Variants in SSR1 observed in about 807,000 individuals in gnomAD.
The protein encoded by SSR1 is translocon-associated protein subunit alpha.
A neutral mutation model predicts 36.1 loss-of-function variants in SSR1; 13 were observed. That is an observed-to-expected ratio of 0.36 (90% CI 0.23 to 0.57). The LOEUF is 0.57. Among genes scored for constraint, SSR1 ranks in the 20% least tolerant of loss-of-function variants. SSR1 has a pLI of 0.81. For missense variants in SSR1, 291 were observed against 338.5 expected, an observed-to-expected ratio of 0.86 and a Z score of 1.10; for synonymous variants, 113 against 118.9, an observed-to-expected ratio of 0.95 and a Z score of 0.32.
chr6:7,310,648 C>T (rs899517570), intron 1 of SSR1, among the ~76,000 whole-genome samples: 8 of 152,180 alleles, frequency 5.3e-5, no homozygotes, highest in Non-Finnish European at 7.3e-5. Context: ...CGGTGGCTCA[C>T]GCCTGTAATC....
intron 4 of SSR1, among the ~76,000 whole-genome samples, chr6:7,299,689 C>CAAA (rs752427852): frequency 8.8e-6 from 1 of 113,254 alleles, no homozygotes. Context: ...ACTCCCACCT[C>CAAA]AAAAAAAAAA....
At chr6:7,310,506 T>C (rs1758166194) in intron 1 of SSR1, among the ~76,000 whole-genome samples, 1 of 152,236 alleles carries the variant, frequency 6.6e-6, no homozygotes, top group South Asian at 2.1e-4. Context: ...TTCAAGCAAC[T>C]TTGTTAAGCA....
chr6:7,308,500 G>T (rs1007194704), intron 2 of SSR1, among the ~76,000 whole-genome samples: 1 of 152,014 alleles, frequency 6.6e-6, no homozygotes, highest in African/African-American at 2.4e-5. Context: ...CACGAAAATA[G>T]AAAGAAAAAA....
chr6:7,293,931 CAG>C (rs1757736320), intron 7 of SSR1, among the ~76,000 whole-genome samples: 1 of 152,170 alleles, frequency 6.6e-6, no homozygotes, highest in African/African-American at 2.4e-5. Context: ...ATCATACCGA[CAG>C]ATTAAATAGG....
At chr6:7,299,689 CAA>C (rs752427852) in intron 4 of SSR1, among the ~76,000 whole-genome samples, 26 of 113,134 alleles carry the variant, frequency 2.3e-4, no homozygotes, top group Non-Finnish European at 2.2e-4. Context: ...ACTCCCACCT[CAA>C]AAAAAAAAAA....
At chr6:7,293,846 A>T in intron 7 of SSR1, among the ~76,000 whole-genome samples, 1 of 152,258 alleles carries the variant, frequency 6.6e-6, no homozygotes, top group East Asian at 1.9e-4. Flanking sequence ...TCAAGGGTCA[A>T]CTATGAATAT....
At position 7,287,209 on chromosome 6, in the gene SSR1, G is replaced by A. The variant is rs928929826; in HGVS notation, c.*2655C>T. 1.3e-5 allele frequency: 2 copies of A among 151,912 alleles called. No homozygotes were observed. Among genetic ancestry groups the A allele is most frequent in the African/African-American group, 2.4e-5 (1 of 41,324 alleles). 9.4% of individuals were successfully genotyped at this position (151,912 alleles called of 1,614,324 possible). ...CGAAAATAACACATCATTAAGTAAA[G>A]GTGGCAATGTTACATTACCACCATT... On this transcript the variant is annotated 3_prime_UTR_variant, in exon 8 of 8. Transcript: ENST00000244763.
Position 7,284,275 on chromosome 6 carries a change from T to C in SSR1, c.*5589A>G, listed in dbSNP as rs992221731. Reference sequence around the variant, plus strand: ...AAACGTGTTTTTAAAAAGAACTGGATGTGCAGGTGTAAGAGATTTATTACA... The same window carrying C: ...AAACGTGTTTTTAAAAAGAACTGGACGTGCAGGTGTAAGAGATTTATTACA... On this transcript the variant is annotated 3_prime_UTR_variant, in exon 8 of 8. Transcript: ENST00000244763. 4 of 152,182 alleles carry C rather than the reference T, an allele frequency of 2.6e-5. No homozygotes were observed. The highest frequency in any genetic ancestry group is 9.7e-5 in the African/African-American group (4 of 41,438). The allele number at this position is 152,182 out of a possible 1,614,324, so 9.4% of individuals were successfully genotyped here.
chr6:7,290,842 A>AC (rs1757665231), intron 7 of SSR1, among the ~76,000 whole-genome samples: 1 of 152,036 alleles, frequency 6.6e-6, no homozygotes, highest in South Asian at 2.1e-4. Flanking sequence ...AAGATCTCTC[A>AC]CCCCCCAAAT....
At chr6:7,302,328 T>C (rs1757954554) in intron 3 of SSR1, among the ~76,000 whole-genome samples, 1 of 152,234 alleles carries the variant, frequency 6.6e-6, no homozygotes, top group African/African-American at 2.4e-5. Flanking sequence ...ATTTATGAAC[T>C]GGGAGCCCTG....
chr6:7,287,966 G>C lies in SSR1; in HGVS notation c.*1898C>G, dbSNP rs1757591932. On this transcript the variant is annotated 3_prime_UTR_variant, in exon 8 of 8. Transcript: ENST00000244763. ...CAAATAATAAATTCTACATTTCCGA[G>C]GCACTAATTTGAACTTCAGAAGTGG... 1 of 152,228 alleles carries C rather than the reference G, an allele frequency of 6.6e-6. No homozygotes were observed. The highest frequency in any genetic ancestry group is 2.1e-4 in the South Asian group (1 of 4,826). The allele number at this position is 152,228 out of a possible 1,614,324, so 9.4% of individuals were successfully genotyped here. A position where few individuals can be genotyped will look rare whatever the true frequency, so the allele number is the denominator to read the frequency against.
In SSR1 at chr6:7,283,872, C is replaced by G. The variant is rs1019536969; in HGVS notation, c.*5992G>C. On this transcript the variant is annotated 3_prime_UTR_variant, in exon 8 of 8. Transcript: ENST00000244763. ...CCTATTCCAACCAAGCCGGAAATGG[C>G]AACAGACCAAACGTGAGGAGTGAGT... 2.0e-5 allele frequency: 3 copies of G among 152,222 alleles called. No individual in the cohort carries two copies. Among genetic ancestry groups the G allele is most frequent in the Non-Finnish European group, 4.4e-5 (3 of 68,086 alleles). 9.4% of individuals were successfully genotyped at this position (152,222 alleles called of 1,614,324 possible).
rs1254012783 is a variant in SSR1, at chr6:7,298,502, G to A, written c.620+245C>T. 4 of 440,746 alleles carry A rather than the reference G, an allele frequency of 9.1e-6. No individual in the cohort carries two copies. The East Asian group carries it at 1.1e-4, about 12-fold the overall frequency. The allele number at this position is 440,746 out of a possible 1,614,324, so 27.3% of individuals were successfully genotyped here. The stretch of plus-strand genomic sequence containing the variant: ...AGCATGAGGTAGAAAATTTAGATGA[G>A]AGGAAGGACAGAAAGCCAATACTAA... On this transcript the variant is annotated intron_variant, in intron 5 of 7. Transcript: ENST00000244763.
rs567740584 is a variant in SSR1, at chr6:7,285,930, T to G, written c.*3934A>C. On this transcript the variant is annotated 3_prime_UTR_variant, in exon 8 of 8. Coordinates refer to ENST00000244763, the MANE Select transcript of SSR1 (RefSeq NM_003144.5). This position sits in a 1 kb window ranked among gnomAD's most constrained non-coding sequence, Gnocchi z 4.1. ...TTAACAGAAATTTAAAAGGGTATTGTGGGTAACTGAATTATCATAGATACA... is the reference window on the plus strand; with the variant it reads ...TTAACAGAAATTTAAAAGGGTATTGGGGGTAACTGAATTATCATAGATACA... 25 of 152,324 alleles carry G rather than the reference T, an allele frequency of 1.6e-4. No homozygotes were observed. Among genetic ancestry groups the G allele is most frequent in the African/African-American group, 5.3e-4 (22 of 41,566 alleles). The allele number at this position is 152,324 out of a possible 1,614,324, so 9.4% of individuals were successfully genotyped here. A position where few individuals can be genotyped will look rare whatever the true frequency, so the allele number is the denominator to read the frequency against.
At chr6:7,312,808 G>A (rs987580581) in intron 1 of SSR1, among the ~76,000 whole-genome samples, 1 of 152,228 alleles carries the variant, frequency 6.6e-6, no homozygotes, top group South Asian at 2.1e-4. Context: ...CACGAAGCAA[G>A]GTCGCCCGGG....
chr6:7,312,432 G>A (rs947425891), intron 1 of SSR1, among the ~76,000 whole-genome samples: 7 of 152,318 alleles, frequency 4.6e-5, no homozygotes, highest in Admixed American at 4.6e-4. Flanking sequence ...GATAACGGGG[G>A]TGACGATGGG....
At position 7,313,081 on chromosome 6, in the gene SSR1, C is replaced by T; in HGVS notation, c.40G>A (p.Val14Met). Reference sequence around the variant, plus strand: ...CGGAACAAGACAGTGGCAGGGAACACGAGTAAGAGAAGCAGCAGCAAGCGG... The same window carrying T: ...CGGAACAAGACAGTGGCAGGGAACATGAGTAAGAGAAGCAGCAGCAAGCGG... ...LPRLLLLLLL[V>M]FPATVLFRGG... The change falls in exon 1 of 8, where the codon GTG becomes ATG. Residue 14 changes from valine to methionine, a missense_variant. Coordinates refer to ENST00000244763, the MANE Select transcript of SSR1 (RefSeq NM_003144.5). 1 of 1,608,870 alleles carries T rather than the reference C, an allele frequency of 6.2e-7. No individual in the cohort carries two copies. Among genetic ancestry groups the T allele is most frequent in the Non-Finnish European group, 8.5e-7 (1 of 1,177,634 alleles).
intron 1 of SSR1, among the ~76,000 whole-genome samples, chr6:7,310,413 G>C (rs2113303957): frequency 6.6e-6 from 1 of 152,160 alleles, no homozygotes; most frequent in Middle Eastern, 3.4e-3. Flanking sequence ...TTTTTAATGG[G>C]AAATGTGGTT....
intron 7 of SSR1, among the ~76,000 whole-genome samples, chr6:7,292,090 G>A (rs1757698504): frequency 6.6e-6 from 1 of 152,094 alleles, no homozygotes; most frequent in Admixed American, 6.6e-5. Context: ...AAACAGATGT[G>A]TAGCTCCCAT....
Sources: gnomAD v4.1 joint callset for allele counts (sites outside exome capture counted in the v4.1 genomes callset) on GRCh38, gnomAD v4.1.1 for gene constraint, Gnocchi (gnomAD v3.1) non-coding constraint, MANE v1.5 for transcripts, NCBI Gene and HGNC (gene_info 2026-07-23, HGNC 2026-07-21) for gene names.